The following MIA3 variants were observed in gnomAD, a reference collection of about 807,000 sequenced individuals.
MIA3 encodes transport and Golgi organization protein 1 homolog.
In MIA3, 90 loss-of-function variants were observed where a neutral mutation model predicts 192.4. The ratio of observed to expected loss-of-function variants is 0.47; its 90% CI spans 0.39 to 0.56. MIA3 has a LOEUF of 0.56. Ranked by LOEUF, MIA3 falls within the 20% of genes least tolerant of loss-of-function variation. MIA3 has a pLI of 0.00. For missense variants in MIA3, 2,123 were observed against 2,269.4 expected, an observed-to-expected ratio of 0.94 and a Z score of 1.31; for synonymous variants, 740 against 792.8, an observed-to-expected ratio of 0.93 and a Z score of 1.12.
chr1:222,625,013 C>A (rs1662044452), intron 3 of MIA3, among the ~76,000 whole-genome samples, 159 bp downstream of exon 3: 1 of 151,584 alleles, frequency 6.6e-6, no homozygotes, highest in African/African-American at 2.4e-5. Context: ...AGGCTATGTA[C>A]TCTTTTTTTT....
chr1:222,630,614 T>C (rs1334099723), intron 4 of MIA3, among the ~76,000 whole-genome samples: 1 of 152,240 alleles, frequency 6.6e-6, no homozygotes, highest in Non-Finnish European at 1.5e-5. Context: ...GTTAGCATTT[T>C]CAAAAGGAAA....
intron 27 of MIA3, 24 bp downstream of exon 27, chr1:222,664,172 A>G (rs1365223521): frequency 6.2e-7 from 1 of 1,612,812 alleles, no homozygotes; most frequent in South Asian, 1.1e-5. Context: ...AACAGTAGTA[A>G]TTGACTTGTA....
rs187260830 is a variant in MIA3 at position 222,656,779 on chromosome 1, G to A, written c.4608-1943G>A. ...CTACATTCTGAATATGCTTCATTCTGGATGTTTTCTTCTGACCTATCTTCC... is the reference window on the plus strand; with the variant it reads ...CTACATTCTGAATATGCTTCATTCTAGATGTTTTCTTCTGACCTATCTTCC... On this transcript the variant is annotated intron_variant, in intron 18 of 27. Transcript: ENST00000344922. Among the ~76,000 whole-genome samples the A allele has an allele frequency of 4.6e-5, 7 of 152,116 alleles. No homozygotes were observed. The East Asian group carries it at 1.4e-3, about 29-fold the overall frequency.
chr1:222,649,897 G>T, intron 8 of MIA3: 1 of 216,290 alleles, frequency 4.6e-6, no homozygotes, highest in Non-Finnish European at 9.4e-6. Context: ...ACAGCAGAAG[G>T]CAAAGCGAGA....
chr1:222,626,579 G>A (rs893162867), intron 3 of MIA3, among the ~76,000 whole-genome samples: 3 of 152,174 alleles, frequency 2.0e-5, no homozygotes, highest in Non-Finnish European at 2.9e-5. Context: ...TACTGGTGGA[G>A]GAAGGGAAAA....
intron 1 of MIA3, among the ~76,000 whole-genome samples, chr1:222,620,017 C>T (rs1054296999): frequency 6.6e-6 from 1 of 152,170 alleles, no homozygotes; most frequent in Non-Finnish European, 1.5e-5. Context: ...ATCTTATTCC[C>T]AACCTTAAAT....
Position 222,664,025 on chromosome 1 carries a change from C to T in MIA3, c.5290C>T (p.Pro1764Ser). Residue 1764 changes from proline to serine, a missense_variant, in exon 27 of 28, where the codon CCT becomes TCT. Around this residue, in one of 3 missense-constraint regions of MIA3, gnomAD observed 762 missense variants for 856.4 expected, o/e 0.89. Transcript: ENST00000344922. Reference protein sequence around the residue: ...KVNMAPKGPPPFPGVPLMSTP... With the variant: ...KVNMAPKGPPSFPGVPLMSTP... ...TAATATGGCTCCAAAAGGGCCCCCTCCTTTCCCAGGAGTCCCTCTCATGAG... is the reference window on the plus strand; with the variant it reads ...TAATATGGCTCCAAAAGGGCCCCCTTCTTTCCCAGGAGTCCCTCTCATGAG... 2 of 1,614,070 alleles carry T rather than the reference C, an allele frequency of 1.2e-6. No homozygotes were observed. Among genetic ancestry groups the T allele is most frequent in the Non-Finnish European group, 1.7e-6 (2 of 1,179,956 alleles).
In MIA3 at chr1:222,644,473, A is replaced by C. The variant is rs748193526; in HGVS notation, c.3478-1081A>C. On this transcript the variant is annotated intron_variant, in intron 6 of 27. Coordinates refer to ENST00000344922, the MANE Select transcript of MIA3 (RefSeq NM_198551.4). ...TGTCGCTTGCGTTCAGCTGTTCTAC[A>C]CAATGGACTCAGTACCTGCCACTGT... The C allele has an allele frequency of 2.3e-5, 36 of 1,550,452 alleles. No individual in the cohort carries two copies. The Admixed American group carries it at 6.7e-4, about 29-fold the overall frequency.
rs1398903709 is a variant in MIA3, at chr1:222,621,214, T to C, written c.189T>C (p.Phe63=). 5.6e-6 allele frequency: 9 copies of C among 1,614,060 alleles called. No individual in the cohort carries two copies. The highest frequency in any genetic ancestry group is 1.7e-5 in the Admixed American group (1 of 60,008). ...LEDFTGPDCR[F]VNFKKGDPVY... ...ATTTCACAGGCCCGGATTGTCGTTT[T>C]GTGAATTTTAAAAAAGGTGATCCTG... The change falls in exon 2 of 28, where the codon TTT becomes TTC. Residue 63 remains phenylalanine, a synonymous_variant. Coordinates refer to ENST00000344922, the MANE Select transcript of MIA3 (RefSeq NM_198551.4).
At chr1:222,652,410 C>A in intron 13 of MIA3, 78 bp downstream of exon 13, 2 of 945,026 alleles carry the variant, frequency 2.1e-6, no homozygotes, top group Non-Finnish European at 1.7e-6. Context: ...TTACTCAGAT[C>A]TATTTTTAGG....
intron 1 of MIA3, among the ~76,000 whole-genome samples, chr1:222,620,577 A>G (rs1661810487): frequency 6.6e-6 from 1 of 152,252 alleles, no homozygotes; most frequent in Non-Finnish European, 1.5e-5. Flanking sequence ...CAGACACTGT[A>G]CTAAGGGAAC....
chr1:222,642,627 G>A (rs996007795), intron 6 of MIA3, among the ~76,000 whole-genome samples: 14 of 152,178 alleles, frequency 9.2e-5, no homozygotes, highest in Admixed American at 2.6e-4. Context: ...TTCAGGAGAC[G>A]TTGCCAAATC....
rs1320771439 is a variant in MIA3, at chr1:222,632,176, C to T, written c.3181C>T (p.Leu1061=). Residue 1061 remains leucine (L), a synonymous_variant, in exon 5 of 28, where the codon CTG becomes TTG. Transcript: ENST00000344922. ...TCTTCTCACCCTAGAGATGCAACCA[C>T]TGCATGAAGATAATTTCTCACGAGA... ...LGGAMEEMQP[L]HEDNFSREKT... The T allele has an allele frequency of 2.5e-6, 4 of 1,614,042 alleles. No individual in the cohort carries two copies. In the Admixed American group the frequency reaches 5.0e-5, roughly 20 times the overall value.
chr1:222,623,175 AC>A (rs1193910789), intron 2 of MIA3, among the ~76,000 whole-genome samples: 7 of 151,428 alleles, frequency 4.6e-5, no homozygotes, highest in Non-Finnish European at 1.5e-5. Context: ...TTTCCCTCCT[AC>A]CCCCCGCCCA....
Position 222,628,309 on chromosome 1 carries a change from G to A in MIA3, c.1089G>A (p.Lys363=), listed in dbSNP as rs755596522. ...DKEQNSNEED[K]VQLTVPPGIK... ...AGCAGAATTCAAATGAAGAGGACAA[G>A]GTTCAGCTAACTGTGCCCCCTGGCA... The change falls in exon 4 of 28, where the codon AAG becomes AAA. Residue 363 remains lysine, a synonymous_variant. Coordinates refer to ENST00000344922, the MANE Select transcript of MIA3 (RefSeq NM_198551.4). 2 of 1,613,762 alleles carry A rather than the reference G, an allele frequency of 1.2e-6. No individual in the cohort carries two copies. Among genetic ancestry groups the A allele is most frequent in the Non-Finnish European group, 1.7e-6 (2 of 1,179,930 alleles).
rs750869320 is a variant in MIA3 at position 222,664,090 on chromosome 1, T to C, written c.5355T>C (p.Tyr1785=). 1.2e-6 allele frequency: 2 copies of C among 1,614,222 alleles called. No individual in the cohort carries two copies. The highest frequency in any genetic ancestry group is 8.5e-7 in the Non-Finnish European group (1 of 1,180,040). Residue 1785 remains tyrosine (Y), a synonymous_variant, in exon 27 of 28, where the codon TAT becomes TAC. Transcript: ENST00000344922. ...GCCCTGTACCACCACCCATTCGATA[T>C]GGACCACCACCTCAGCTCTGCGGAC... ...MGGPVPPPIR[Y]GPPPQLCGPF...
chr1:222,656,095 G>A (rs899431414), intron 18 of MIA3, among the ~76,000 whole-genome samples: 7 of 146,490 alleles, frequency 4.8e-5, no homozygotes, highest in African/African-American at 1.0e-4. Flanking sequence ...TCAGTCTCCC[G>A]AGTAGCTGGG....
chr1:222,658,750 C>G lies in MIA3; in HGVS notation c.4636C>G (p.Gln1546Glu). 1 of 1,612,052 alleles carries G rather than the reference C, an allele frequency of 6.2e-7. No homozygotes were observed. Among genetic ancestry groups the G allele is most frequent in the South Asian group, 1.1e-5 (1 of 90,850 alleles). The change falls in exon 19 of 28, where the codon CAA (glutamine) becomes GAA (glutamate). Residue 1546 changes from glutamine (Q) to glutamate (E), a missense_variant. Gln to Glu is a conservative substitution (Grantham distance 29). Transcript: ENST00000344922. Reference protein sequence around the residue: ...KKLSQEEYERQEREHRLSAAD... With the variant: ...KKLSQEEYEREEREHRLSAAD... ...ACTGAGTCAAGAAGAGTATGAACGG[C>G]AAGAAAGAGAGCACAGGCTGTCAGC...
intron 2 of MIA3, among the ~76,000 whole-genome samples, chr1:222,624,378 A>G (rs1662012358): frequency 1.3e-5 from 2 of 152,230 alleles, no homozygotes; most frequent in Non-Finnish European, 1.5e-5. Flanking sequence ...ACTGTACTAT[A>G]ATAGTTCGTA....
Sources: gnomAD v4.1 joint callset for allele counts (sites outside exome capture counted in the v4.1 genomes callset) on GRCh38, gnomAD v4.1.1 for gene constraint, gnomAD v4.1.1 regional missense constraint, MANE v1.5 for transcripts, NCBI Gene and HGNC (gene_info 2026-07-23, HGNC 2026-07-21) for gene names.